ENOX1: variants seen among roughly 807,000 people sequenced by gnomAD.
ENOX1 encodes the protein ecto-NOX disulfide-thiol exchanger 1.
Under a neutral mutation model 82.5 loss-of-function variants are expected in ENOX1, and 42 were observed. The observed-to-expected ratio is 0.51, with a 90% CI of 0.40 to 0.66. The LOEUF (loss-of-function observed/expected upper bound fraction) is 0.66, where lower values mean the gene tolerates loss of function less well. ENOX1 is among the 30% of genes least tolerant of loss of function. ENOX1 has a pLI of 0.00. For synonymous variants in ENOX1, 271 were observed against 282.2 expected (o/e 0.96, Z 0.40); for missense variants, 608 against 811.6 (o/e 0.75, Z 3.05).
intron 2 of ENOX1, among the ~76,000 whole-genome samples, chr13:43,629,065 TGAG>T (rs1371121815): frequency 6.6e-6 from 1 of 152,134 alleles, no homozygotes; most frequent in Non-Finnish European, 1.5e-5. Context: ...GCAGCATGAA[TGAG>T]GAGAGGGGAC....
intron 12 of ENOX1, among the ~76,000 whole-genome samples, chr13:43,279,908 C>CA (rs1313819444): frequency 1.3e-5 from 2 of 152,192 alleles, no homozygotes; most frequent in African/African-American, 4.8e-5. Flanking sequence ...GAATTAACAC[C>CA]ATTCATGCAA....
chr13:43,401,974 C>A (rs938812705), intron 5 of ENOX1, among the ~76,000 whole-genome samples: 1 of 151,760 alleles, frequency 6.6e-6, no homozygotes, highest in Non-Finnish European at 1.5e-5. Context: ...CAGCACCTGA[C>A]AACATAAAAT....
intron 9 of ENOX1, among the ~76,000 whole-genome samples, chr13:43,326,789 T>C (rs537648519): frequency 1.3e-5 from 2 of 152,324 alleles, no homozygotes; most frequent in East Asian, 3.9e-4. Context: ...AAGCATTCTT[T>C]AGCTGTTGTT....
chr13:43,684,185 T>C (rs1480980480), intron 1 of ENOX1, among the ~76,000 whole-genome samples: 2 of 152,106 alleles, frequency 1.3e-5, no homozygotes, highest in East Asian at 3.8e-4. Flanking sequence ...TGTCCTTGTC[T>C]ATCTTCTATT....
chr13:43,422,658 GCCC>G (rs1294873750), intron 3 of ENOX1, among the ~76,000 whole-genome samples: 1 of 152,004 alleles, frequency 6.6e-6, no homozygotes, highest in East Asian at 1.9e-4. Context: ...TGACCTGAAG[GCCC>G]CCCTCTAAAA....
chr13:43,278,522 T>C (rs995427392), intron 12 of ENOX1, among the ~76,000 whole-genome samples: 1 of 152,256 alleles, frequency 6.6e-6, no homozygotes, highest in African/African-American at 2.4e-5. Flanking sequence ...GAAACATTTT[T>C]AGTTGGCAAG....
chr13:43,395,472 C>A (rs189977271), intron 5 of ENOX1, among the ~76,000 whole-genome samples: 1 of 152,136 alleles, frequency 6.6e-6, no homozygotes, highest in Non-Finnish European at 1.5e-5. Flanking sequence ...CTGCAGTGAG[C>A]CGAGATTGCA....
intron 2 of ENOX1, chr13:43,546,448 A>T (rs566896259): frequency 6.6e-6 from 1 of 152,478 alleles, no homozygotes; most frequent in Admixed American, 6.5e-5. Flanking sequence ...GTCACAGGGC[A>T]GAGCAGTAGG....
chr13:43,693,700 C>T (rs577443964), intron 1 of ENOX1, among the ~76,000 whole-genome samples: 3 of 152,236 alleles, frequency 2.0e-5, no homozygotes, highest in Non-Finnish European at 2.9e-5. Flanking sequence ...TAAGGATAAA[C>T]GCATGCACAG....
rs35914206 is a variant in ENOX1, at chr13:43,762,536, A to C, written c.-285+24116T>G. On this transcript the variant is annotated intron_variant, in intron 1 of 16. Coordinates refer to ENST00000690772, the MANE Select transcript of ENOX1 (RefSeq NM_001347969.2). ...TGGTAGTACTAGTAAGCATTGCACTAATCAAAACACAATATAGAAAGAAAT... is the reference window on the plus strand; with the variant it reads ...TGGTAGTACTAGTAAGCATTGCACTCATCAAAACACAATATAGAAAGAAAT... Among the ~76,000 whole-genome samples the C allele has an allele frequency of 4.4e-3, 666 of 152,306 alleles. 4 individuals are homozygous for C. Among genetic ancestry groups the C allele is most frequent in the Non-Finnish European group, 4.5e-3 (303 of 68,020 alleles).
chr13:43,304,705 G>C (rs900185777), intron 11 of ENOX1, among the ~76,000 whole-genome samples: 47 of 152,136 alleles, frequency 3.1e-4, no homozygotes, highest in Admixed American at 3.1e-3. Flanking sequence ...CTTGAGGCCT[G>C]GCTGGAACCA....
chr13:43,681,980 G>A (rs1337908305), intron 1 of ENOX1, among the ~76,000 whole-genome samples: 2 of 151,980 alleles, frequency 1.3e-5, no homozygotes, highest in African/African-American at 4.8e-5. Flanking sequence ...GCCCAGATCA[G>A]GTATACGGCC....
intron 14 of ENOX1, among the ~76,000 whole-genome samples, chr13:43,244,208 G>A (rs558565308): frequency 2.0e-5 from 3 of 151,314 alleles, no homozygotes; most frequent in African/African-American, 7.3e-5. Context: ...ATAATACCAT[G>A]TGCCTCTTCC....
chr13:43,552,795 A>G (rs1276020230), intron 2 of ENOX1, among the ~76,000 whole-genome samples: 2 of 152,200 alleles, frequency 1.3e-5, no homozygotes, highest in African/African-American at 4.8e-5. Flanking sequence ...GCAATCAGTT[A>G]TTTGTTGAGC....
chr13:43,661,277 T>C (rs2084710221), intron 2 of ENOX1, among the ~76,000 whole-genome samples: 1 of 152,204 alleles, frequency 6.6e-6, no homozygotes, highest in Non-Finnish European at 1.5e-5. Context: ...ATTGGATGGA[T>C]ATAGATATGA....
intron 2 of ENOX1, among the ~76,000 whole-genome samples, chr13:43,550,365 C>A (rs1041097561): frequency 3.9e-5 from 6 of 152,168 alleles, no homozygotes; most frequent in African/African-American, 1.4e-4. Context: ...TATGCTATTG[C>A]TCATTCAACA....
At chr13:43,771,787 T>TG (rs1357149951) in intron 1 of ENOX1, among the ~76,000 whole-genome samples, 1 of 151,912 alleles carries the variant, frequency 6.6e-6, no homozygotes, top group Non-Finnish European at 1.5e-5. Context: ...TTCTTTGAGA[T>TG]GGAGTCTCGC....
rs112467914 is a variant in ENOX1 at position 43,493,030 on chromosome 13, A to C, written c.-218-8878T>G. Among the ~76,000 whole-genome samples, 1,029 of 152,172 alleles carry C rather than the reference A, an allele frequency of 6.8e-3. 15 individuals are homozygous for C. Among genetic ancestry groups the C allele is most frequent in the African/African-American group, 0.023 (958 of 41,524 alleles). On this transcript the variant is annotated intron_variant, in intron 2 of 16. Transcript: ENST00000690772. ...TGCCTCCAGACTGTCTTTGGATTTGAGCTTCTTCCCTAGATCTCCAGCCTG... is the reference window on the plus strand; with the variant it reads ...TGCCTCCAGACTGTCTTTGGATTTGCGCTTCTTCCCTAGATCTCCAGCCTG...
chr13:43,314,611 C>T (rs1457653107), intron 11 of ENOX1, among the ~76,000 whole-genome samples: 4 of 152,222 alleles, frequency 2.6e-5, no homozygotes, highest in Non-Finnish European at 4.4e-5. Flanking sequence ...CATCACTGTG[C>T]TAAGAGGCTG....
Sources: gnomAD v4.1 joint callset for allele counts (sites outside exome capture counted in the v4.1 genomes callset) on GRCh38, gnomAD v4.1.1 for gene constraint, MANE v1.5 for transcripts, NCBI Gene and HGNC (gene_info 2026-07-23, HGNC 2026-07-21) for gene names.